The following PPFIA2 variants were observed in gnomAD, a reference collection of about 807,000 sequenced individuals.
PPFIA2 encodes PPFI scaffold protein A2, also known as liprin-alpha-2.
Under a neutral mutation model 175.5 loss-of-function variants are expected in PPFIA2, and 46 were observed. That is an observed-to-expected ratio of 0.26 (90% confidence interval 0.21 to 0.34). The LOEUF (loss-of-function observed/expected upper bound fraction) is 0.34, where lower values mean the gene tolerates loss of function less well. PPFIA2 is among the 10% of genes least tolerant of loss of function. The pLI is 1.00. For missense variants in PPFIA2, 1,179 were observed against 1,506.1 expected (o/e 0.78, Z 3.60); for synonymous variants, 568 against 511.4 (o/e 1.11, Z -1.49).
At chr12:81,466,202 G>T (rs1413192797) in intron 4 of PPFIA2, among the ~76,000 whole-genome samples, 1 of 152,106 alleles carries the variant, frequency 6.6e-6, no homozygotes. Context: ...AATTCCATGT[G>T]CATTATATTT....
At chr12:81,326,732 T>C (rs2054860709) in intron 21 of PPFIA2, among the ~76,000 whole-genome samples, 1 of 152,128 alleles carries the variant, frequency 6.6e-6, no homozygotes, top group African/African-American at 2.4e-5. Context: ...AATAAGGACT[T>C]ACTCCTATGT....
At position 81,321,619 on chromosome 12, in the gene PPFIA2, C is replaced by CT. The variant is rs552975849; in HGVS notation, c.2642+4157dup. 1.4e-3 allele frequency among the ~76,000 whole-genome samples: 213 copies of CT among 151,322 alleles called. 2 individuals are homozygous for CT. In the South Asian group the frequency reaches 0.022, roughly 16 times the overall value. On this transcript the variant is annotated intron_variant, in intron 22 of 32. Transcript: ENST00000549396. ...TAACTATTTGGAGCTTCCAGTTATG[C>CT]TTTTTTTTTCCCCACTATTTACCTA...
intron 17 of PPFIA2, among the ~76,000 whole-genome samples, chr12:81,351,953 T>C (rs972903517): frequency 5.3e-5 from 8 of 152,018 alleles, no homozygotes; most frequent in Non-Finnish European, 7.4e-5. Context: ...TACAGAAATG[T>C]AATTTTTATT....
rs1555549706 is a variant in PPFIA2, at chr12:81,642,765, T to TGTATTATATACATAC, written c.303+34025_303+34026insGTATGTATATAATAC. ...TGTATGTATTATATACATACATGTA[T>TGTATTATATACATAC]ATGTATGTATGTATTATATACATAC... On this transcript the variant is annotated intron_variant, in intron 4 of 32. Coordinates refer to ENST00000549396, the MANE Select transcript of PPFIA2 (RefSeq NM_003625.5). Among the ~76,000 whole-genome samples the TGTATTATATACATAC allele has an allele frequency of 1.2e-3, 9 of 7,664 alleles. 3 individuals carry two copies. Among genetic ancestry groups the TGTATTATATACATAC allele is most frequent in the African/African-American group, 3.2e-3 (4 of 1,268 alleles). The allele number at this position is 7,664 out of a possible 152,430, so 5.0% of individuals were successfully genotyped here. A position where few individuals can be genotyped will look rare whatever the true frequency, so the allele number is the denominator to read the frequency against.
At chr12:81,720,785 G>A (rs2079211095) in intron 3 of PPFIA2, among the ~76,000 whole-genome samples, 1 of 151,088 alleles carries the variant, frequency 6.6e-6, no homozygotes, top group Admixed American at 6.6e-5. Context: ...TTTCCTTTTT[G>A]TGACTGAGCT....
At chr12:81,666,499 A>T (rs558721852) in intron 4 of PPFIA2, among the ~76,000 whole-genome samples, 1 of 152,184 alleles carries the variant, frequency 6.6e-6, no homozygotes, top group Non-Finnish European at 1.5e-5. Flanking sequence ...TTCTCAGCAA[A>T]CTATCACAAG....
intron 7 of PPFIA2, among the ~76,000 whole-genome samples, chr12:81,408,245 T>C (rs2043275775): frequency 6.6e-6 from 1 of 152,176 alleles, no homozygotes; most frequent in Non-Finnish European, 1.5e-5. Flanking sequence ...TCTTAACTTA[T>C]TGCTTTTTGC....
chr12:81,430,137 T>C (rs984612465), intron 7 of PPFIA2: 1 of 152,064 alleles, frequency 6.6e-6, no homozygotes, highest in African/African-American at 2.4e-5. Context: ...TTACTTGCCA[T>C]TGATCTTAAA....
At chr12:81,522,926 G>C (rs1450034358) in intron 4 of PPFIA2, among the ~76,000 whole-genome samples, 1 of 152,076 alleles carries the variant, frequency 6.6e-6, no homozygotes, top group Non-Finnish European at 1.5e-5. Context: ...TAGTGGACTG[G>C]GGGAATTTTC....
chr12:81,702,290 T>G (rs1366713326), intron 3 of PPFIA2, among the ~76,000 whole-genome samples: 2 of 152,166 alleles, frequency 1.3e-5, no homozygotes, highest in African/African-American at 4.8e-5. Flanking sequence ...ATGTGTCTTT[T>G]CTTGGTCCAT....
At position 81,635,918 on chromosome 12, in the gene PPFIA2, TCTCA is replaced by T. The variant is rs1215168067; in HGVS notation, c.303+40869_303+40872del. On this transcript the variant is annotated intron_variant, in intron 4 of 32. Transcript: ENST00000549396. ...ATTTTGGGAAAATGCAATCTCTCTC[TCTCA>T]CACACACACACACACACACACACGT... Among the ~76,000 whole-genome samples, 46 of 147,028 alleles carry T rather than the reference TCTCA, an allele frequency of 3.1e-4. 1 individual carries two copies. Among genetic ancestry groups the T allele is most frequent in the Non-Finnish European group, 1.5e-4 (10 of 65,496 alleles).
intron 4 of PPFIA2, among the ~76,000 whole-genome samples, chr12:81,534,173 G>T (rs2065050841): frequency 6.6e-6 from 1 of 151,658 alleles, no homozygotes; most frequent in African/African-American, 2.4e-5. Context: ...AAGGGTGTGT[G>T]TGTAAAAAGA....
intron 21 of PPFIA2, among the ~76,000 whole-genome samples, chr12:81,336,380 T>C (rs1358952388): frequency 6.6e-6 from 1 of 152,200 alleles, no homozygotes; most frequent in African/African-American, 2.4e-5. Context: ...GACATATTGT[T>C]GCACATATTG....
intron 3 of PPFIA2, among the ~76,000 whole-genome samples, chr12:81,750,041 C>A (rs2083546036): frequency 7.0e-6 from 1 of 143,664 alleles, no homozygotes; most frequent in South Asian, 2.3e-4. Flanking sequence ...CATAAACAGA[C>A]AATTTAATTA....
chr12:81,286,372 T>C (rs1274186526), intron 24 of PPFIA2, among the ~76,000 whole-genome samples: 2 of 152,072 alleles, frequency 1.3e-5, no homozygotes, highest in Admixed American at 6.6e-5. Flanking sequence ...GCCTTCGTAT[T>C]CACTAAGTGC....
intron 4 of PPFIA2, among the ~76,000 whole-genome samples, chr12:81,556,922 T>C (rs774650524): frequency 3.3e-5 from 5 of 151,990 alleles, no homozygotes; most frequent in Non-Finnish European, 7.4e-5. Flanking sequence ...AAATTAATTT[T>C]TATTTCAATA....
intron 17 of PPFIA2, among the ~76,000 whole-genome samples, chr12:81,349,183 T>C (rs1353786368): frequency 2.0e-5 from 3 of 152,214 alleles, no homozygotes; most frequent in South Asian, 2.1e-4. Context: ...TCTGCAAATC[T>C]TTCAGTTTTT....
In PPFIA2 at chr12:81,747,277, C is replaced by T. The variant is rs1053120669; in HGVS notation, c.249+6696G>A. ...TTAGGTTTCACAAAAAACAAAGGAG[C>T]TAAATTCAGTTATAATCGCAGCACA... On this transcript the variant is annotated intron_variant, in intron 3 of 32. Coordinates refer to ENST00000549396, the MANE Select transcript of PPFIA2 (RefSeq NM_003625.5). Among the ~76,000 whole-genome samples, 2 of 143,850 alleles carry T rather than the reference C, an allele frequency of 1.4e-5. 1 individual carries two copies. The highest frequency in any genetic ancestry group is 3.1e-5 in the Non-Finnish European group (2 of 64,154). 94.4% of individuals were successfully genotyped at this position (143,850 alleles called of 152,430 possible).
At chr12:81,398,317 G>A (rs1596072984) in intron 8 of PPFIA2, among the ~76,000 whole-genome samples, 1 of 151,984 alleles carries the variant, frequency 6.6e-6, no homozygotes, top group Non-Finnish European at 1.5e-5. Flanking sequence ...CTTTGACTAG[G>A]CTTTTTTGAA....
Sources: allele counts gnomAD v4.1 joint callset (sites outside exome capture counted in the v4.1 genomes callset), GRCh38; gene constraint gnomAD v4.1.1; transcripts MANE v1.5; gene names NCBI Gene and HGNC (gene_info 2026-07-23, HGNC 2026-07-21).